BDP1: variants seen among roughly 807,000 people sequenced by gnomAD.
BDP1 encodes the protein transcription factor TFIIIB component B'' homolog.
In BDP1, 169 loss-of-function variants were observed where a neutral mutation model predicts 266.6. The ratio of observed to expected loss-of-function variants is 0.63; its 90% confidence interval spans 0.56 to 0.72. The LOEUF is 0.72. BDP1 is among the 30% of genes least tolerant of loss of function. The pLI is 0.00. For missense variants in BDP1, 3,015 were observed against 3,053.8 expected (o/e 0.99, Z 0.30); for synonymous variants, 1,090 against 1,022.4 (o/e 1.07, Z -1.26).
At chr5:71,485,152 T>G (rs1763188309) in intron 8 of BDP1, among the ~76,000 whole-genome samples, 3 of 152,282 alleles carry the variant, frequency 2.0e-5, no homozygotes, top group Non-Finnish European at 4.4e-5. Flanking sequence ...TTTTTAAAAT[T>G]TATTGATCTT....
intron 4 of BDP1, 33 bp from the exon 5 acceptor site, chr5:71,466,063 C>T (rs1388062702): frequency 6.2e-7 from 1 of 1,603,442 alleles, no homozygotes; most frequent in East Asian, 2.2e-5. Flanking sequence ...CTTTTCATGC[C>T]TTTGTGAATT....
At chr5:71,498,936 C>G (rs990881751) in intron 13 of BDP1, among the ~76,000 whole-genome samples, 1 of 152,002 alleles carries the variant, frequency 6.6e-6, no homozygotes, top group Non-Finnish European at 1.5e-5. Flanking sequence ...GTTGGCCAAG[C>G]TTGTCTTGAA....
chr5:71,486,031 A>G (rs761840787), intron 8 of BDP1, among the ~76,000 whole-genome samples: 4 of 152,010 alleles, frequency 2.6e-5, no homozygotes, highest in Admixed American at 2.0e-4. Flanking sequence ...GGCAACCACT[A>G]TTTTCATTTT....
intron 22 of BDP1, 72 bp downstream of exon 22, chr5:71,517,524 T>G (rs1164321069): frequency 7.9e-7 from 1 of 1,268,952 alleles, no homozygotes; most frequent in African/African-American, 1.5e-5. Context: ...TAGTTGACTT[T>G]ATATATTAAT....
At chr5:71,504,773 T>C (rs1189237073) in intron 16 of BDP1, 22 bp downstream of exon 16, 2 of 1,603,152 alleles carry the variant, frequency 1.2e-6, no homozygotes, top group Non-Finnish European at 1.7e-6. Flanking sequence ...TTTGTTGATA[T>C]ATAATCTTTG....
chr5:71,533,122 T>G (rs1262657452), intron 26 of BDP1, among the ~76,000 whole-genome samples: 2 of 152,248 alleles, frequency 1.3e-5, no homozygotes, highest in African/African-American at 4.8e-5. Flanking sequence ...CCTTACTTTT[T>G]GTAGCCTAAT....
rs145797480 is a variant in BDP1, at chr5:71,514,208, A to G, written c.4471-736A>G. The stretch of plus-strand genomic sequence containing the variant: ...TATAAACTGAATGTTTTCCACATTC[A>G]GTGGAAGTCCTTCTTAGAATTAAAA... On this transcript the variant is annotated intron_variant, in intron 19 of 38. Transcript: ENST00000358731. Among the ~76,000 whole-genome samples, 81 of 152,320 alleles carry G rather than the reference A, an allele frequency of 5.3e-4. 1 individual carries two copies. The East Asian group carries it at 0.014, about 27-fold the overall frequency.
rs202085592 is a variant in BDP1 at position 71,509,627 on chromosome 5, A to G, written c.2535A>G (p.Ala845=). 196 of 1,613,526 alleles carry G rather than the reference A, an allele frequency of 1.2e-4. No homozygotes were observed. In the East Asian group the frequency reaches 2.0e-3, roughly 16 times the overall value. The change falls in exon 17 of 39, where the codon GCA becomes GCG. Residue 845 remains alanine (A), a synonymous_variant. Transcript: ENST00000358731. ...EKILVSGEMA[A]ALRETVRLDT... is the part of the protein sequence containing the mutation. ...TTCTTGTCTCTGGGGAAATGGCGGC[A>G]GCATTGAGAGAAACTGTAAGACTAG...
chr5:71,546,197 G>T lies in BDP1; in HGVS notation c.6744+978G>T, dbSNP rs971060321. On this transcript the variant is annotated intron_variant, in intron 32 of 38. Coordinates refer to ENST00000358731, the MANE Select transcript of BDP1 (RefSeq NM_018429.3). ...CTTTTTAATTTTTACTTTTTATTTT[G>T]AAAAATTTTAAACTTAGAAGTTACA... Among the ~76,000 whole-genome samples the T allele has an allele frequency of 4.5e-4, 69 of 151,928 alleles. 1 individual carries two copies. Among genetic ancestry groups the T allele is most frequent in the African/African-American group, 1.6e-3 (68 of 41,436 alleles).
At chr5:71,544,528 T>C in intron 31 of BDP1, 21 bp downstream of exon 31, 1 of 1,598,558 alleles carries the variant, frequency 6.3e-7, no homozygotes, top group Non-Finnish European at 8.5e-7. Context: ...GAAGAGGTTC[T>C]GAGATTCAGT....
intron 1 of BDP1, among the ~76,000 whole-genome samples, chr5:71,458,370 TAA>T (rs572509923): frequency 1.0e-3 from 159 of 152,244 alleles, no homozygotes; most frequent in African/African-American, 3.7e-3. Context: ...TGAAAAAGAT[TAA>T]GAGTCTATTA....
chr5:71,508,570 C>A (rs1764716341), intron 16 of BDP1, among the ~76,000 whole-genome samples: 1 of 151,830 alleles, frequency 6.6e-6, no homozygotes, highest in Non-Finnish European at 1.5e-5. Context: ...AGGCATGAAG[C>A]ATCATGCCCA....
intron 1 of BDP1, 60 bp from the exon 2 acceptor site, chr5:71,458,519 A>G (rs1761335854): frequency 1.5e-5 from 20 of 1,311,810 alleles, no homozygotes; most frequent in Non-Finnish European, 2.1e-5. Context: ...CTAGGTTTTA[A>G]AACTAGCATG....
At position 71,504,122 on chromosome 5, in the gene BDP1, C is replaced by T. The variant is rs980767763; in HGVS notation, c.2242-499C>T. Among the ~76,000 whole-genome samples, 4 of 150,782 alleles carry T rather than the reference C, an allele frequency of 2.7e-5. No homozygotes were observed. The East Asian group carries it at 5.9e-4, about 22-fold the overall frequency. ...CCCTTCTCTACTAAAAATACAAAAA[C>T]GTTAGCTGGGTGTGGTGGTGGACGC... On this transcript the variant is annotated intron_variant, in intron 15 of 38. Transcript: ENST00000358731.
In BDP1 at chr5:71,539,699, A is replaced by G. The variant is rs1259517785; in HGVS notation, c.6022+50A>G. The G allele has an allele frequency of 3.0e-6, 4 of 1,311,782 alleles. No individual in the cohort carries two copies. The South Asian group carries it at 5.2e-5, about 17-fold the overall frequency. 81.3% of individuals were successfully genotyped at this position (1,311,782 alleles called of 1,614,324 possible). On this transcript the variant is annotated intron_variant, in intron 28 of 38. Coordinates refer to ENST00000358731, the MANE Select transcript of BDP1 (RefSeq NM_018429.3). ...CAAAAATAGAAACTTTTAAAACCTAACTTAAGAAATTATACCCACATTTGA... is the reference window on the plus strand; with the variant it reads ...CAAAAATAGAAACTTTTAAAACCTAGCTTAAGAAATTATACCCACATTTGA...
At position 71,539,658 on chromosome 5, in the gene BDP1, G is replaced by T; in HGVS notation, c.6022+9G>T. 1.3e-6 allele frequency: 2 copies of T among 1,578,630 alleles called. No individual in the cohort carries two copies. The highest frequency in any genetic ancestry group is 2.3e-5 in the South Asian group (2 of 88,564). On this transcript the variant is annotated intron_variant, in intron 28 of 38. Coordinates refer to ENST00000358731, the MANE Select transcript of BDP1 (RefSeq NM_018429.3). ...TAGTGAACAGGGTGATGGTAAGAAT[G>T]AAAGCTAAGTCCTATCAAAAATAGA...
intron 25 of BDP1, among the ~76,000 whole-genome samples, chr5:71,525,564 A>ACGGGGCGGC (rs1290680131): frequency 1.8e-5 from 1 of 55,296 alleles, no homozygotes; most frequent in East Asian, 5.6e-4. Flanking sequence ...TCCCTCCCGG[A>ACGGGGCGGC]TGGGGCGGCT....
chr5:71,504,940 G>C (rs532363300), intron 16 of BDP1, among the ~76,000 whole-genome samples, 189 bp downstream of exon 16: 1 of 152,308 alleles, frequency 6.6e-6, no homozygotes, highest in East Asian at 1.9e-4. Flanking sequence ...TTCTCAGATG[G>C]TTTGAAGAAA....
chr5:71,554,412 T>G (rs560373393), intron 35 of BDP1, among the ~76,000 whole-genome samples: 20 of 152,320 alleles, frequency 1.3e-4, no homozygotes, highest in Non-Finnish European at 2.6e-4. Flanking sequence ...TGACTCTGCT[T>G]TCTTTGTTGT....
Sources: allele counts gnomAD v4.1 joint callset (sites outside exome capture counted in the v4.1 genomes callset), GRCh38; gene constraint gnomAD v4.1.1; transcripts MANE v1.5; gene names NCBI Gene and HGNC (gene_info 2026-07-23, HGNC 2026-07-21).